Variants in ASCC3 observed in about 807,000 individuals in gnomAD.
The protein encoded by ASCC3 is ASC-1 complex subunit P200.
A neutral mutation model predicts 256.3 loss-of-function variants in ASCC3; 158 were observed. The observed-to-expected ratio is 0.62, with a 90% confidence interval of 0.54 to 0.70. ASCC3 has a LOEUF of 0.70. Among genes scored for constraint, ASCC3 ranks in the 30% least tolerant of loss-of-function variants. The pLI, the probability that ASCC3 is intolerant of heterozygous loss-of-function variation, is 0.00. For missense variants in ASCC3, 2,259 were observed against 2,626.0 expected, an observed-to-expected ratio of 0.86 and a Z score of 3.05; for synonymous variants, 948 against 883.4, an observed-to-expected ratio of 1.07 and a Z score of -1.30.
intron 14 of ASCC3, among the ~76,000 whole-genome samples, chr6:100,670,052 A>T (rs1776663959): frequency 6.6e-6 from 1 of 151,968 alleles, no homozygotes; most frequent in Non-Finnish European, 1.5e-5. Flanking sequence ...TAAACAGAAA[A>T]AGTTTATGTA....
At chr6:100,880,691 C>T (rs184189578) in intron 1 of ASCC3, among the ~76,000 whole-genome samples, 9 of 152,184 alleles carry the variant, frequency 5.9e-5, no homozygotes, top group Non-Finnish European at 1.0e-4. Context: ...GATTTCTTTC[C>T]CCAAATCTAC....
chr6:100,615,094 C>T (rs936953119), intron 30 of ASCC3, among the ~76,000 whole-genome samples: 1 of 151,916 alleles, frequency 6.6e-6, no homozygotes, highest in Non-Finnish European at 1.5e-5. Context: ...TGGCTCACAG[C>T]AACCTCTGTC....
At chr6:100,864,344 C>T in intron 2 of ASCC3, 130 bp from the exon 3 acceptor site, 1 of 751,620 alleles carries the variant, frequency 1.3e-6, no homozygotes, top group Non-Finnish European at 2.1e-6. Context: ...TGTATCTATT[C>T]ACATCCAAAC....
At chr6:100,523,753 C>A (rs1774421379) in intron 37 of ASCC3, among the ~76,000 whole-genome samples, 1 of 152,148 alleles carries the variant, frequency 6.6e-6, no homozygotes, top group South Asian at 2.1e-4. Context: ...ACAGTTTTAT[C>A]CAAACCTATA....
chr6:100,848,015 A>G, intron 4 of ASCC3, 133 bp downstream of exon 4: 1 of 872,340 alleles, frequency 1.1e-6, no homozygotes, highest in South Asian at 2.0e-5. Flanking sequence ...GCTATGTGAA[A>G]CCATTTGGCT....
At chr6:100,585,019 C>T (rs1771568973) in intron 36 of ASCC3, among the ~76,000 whole-genome samples, 1 of 152,072 alleles carries the variant, frequency 6.6e-6, no homozygotes, top group African/African-American at 2.4e-5. Context: ...AACATTTTTT[C>T]CTTCATTTCA....
intron 37 of ASCC3, among the ~76,000 whole-genome samples, chr6:100,535,390 G>A (rs979795116): frequency 2.6e-5 from 4 of 151,492 alleles, no homozygotes; most frequent in Non-Finnish European, 4.4e-5. Flanking sequence ...TCCTCTTTCT[G>A]GCTTGTTTAC....
chr6:100,797,122 A>G (rs138048374), intron 8 of ASCC3, among the ~76,000 whole-genome samples: 2,033 of 152,282 alleles, frequency 0.013, 19 homozygotes, highest in East Asian at 0.045. Flanking sequence ...TTCATTATTA[A>G]TTTAAATAAA....
chr6:100,758,991 A>G (rs796225075), intron 10 of ASCC3, among the ~76,000 whole-genome samples: 1 of 152,194 alleles, frequency 6.6e-6, no homozygotes, highest in Non-Finnish European at 1.5e-5. Context: ...TCTAATGATC[A>G]GTGATTTTGA....
chr6:100,869,278 A>G (rs1773625473), intron 1 of ASCC3, among the ~76,000 whole-genome samples: 3 of 152,302 alleles, frequency 2.0e-5, no homozygotes, highest in Non-Finnish European at 4.4e-5. Context: ...GTGGGAAGGA[A>G]AGAACTGGGA....
Position 100,650,564 on chromosome 6 carries a change from T to A in ASCC3, c.3226A>T (p.Ile1076Leu). 1 of 1,612,710 alleles carries A rather than the reference T, an allele frequency of 6.2e-7. No individual in the cohort carries two copies. The change falls in exon 20 of 42, where the codon ATA (isoleucine) becomes TTA (leucine). Residue 1076 changes from isoleucine (I) to leucine (L), a missense_variant. Physicochemically the swap from Ile to Leu is conservative, Grantham distance 5. Coordinates refer to ENST00000369162, the MANE Select transcript of ASCC3 (RefSeq NM_006828.4). The part of the protein sequence containing the change: ...SRGEMDSFSL[I>L]SDSAYVAQNA... ...TGTGCAACATATGCAGAATCTGATA[T>A]AAGGGAGAAACTGTCCATTTCTCCT...
intron 27 of ASCC3, among the ~76,000 whole-genome samples, 169 bp downstream of exon 27, chr6:100,628,846 T>C (rs2114861625): frequency 6.6e-6 from 1 of 152,246 alleles, no homozygotes; most frequent in Admixed American, 6.5e-5. Context: ...TGTAAGGTGA[T>C]AGATGTTAAT....
intron 4 of ASCC3, among the ~76,000 whole-genome samples, chr6:100,830,239 C>G (rs1771556702): frequency 6.6e-6 from 1 of 151,678 alleles, no homozygotes; most frequent in Non-Finnish European, 1.5e-5. Context: ...AAAGGAATAG[C>G]AACTTATAGA....
chr6:100,861,382 T>G (rs957784406), intron 3 of ASCC3, among the ~76,000 whole-genome samples: 7 of 152,132 alleles, frequency 4.6e-5, no homozygotes, highest in Non-Finnish European at 1.5e-5. Flanking sequence ...CTCATAATAT[T>G]ATACTCAAGT....
At chr6:100,787,774 T>C (rs1769161004) in intron 8 of ASCC3, among the ~76,000 whole-genome samples, 1 of 152,074 alleles carries the variant, frequency 6.6e-6, no homozygotes, top group Admixed American at 6.6e-5. Flanking sequence ...TGGACAGCTA[T>C]ATGCAAAAAC....
chr6:100,551,920 T>G (rs1769321628), intron 36 of ASCC3, among the ~76,000 whole-genome samples: 1 of 151,808 alleles, frequency 6.6e-6, no homozygotes, highest in South Asian at 2.1e-4. Context: ...GTGGGCATGG[T>G]GTGGGATGAG....
intron 36 of ASCC3, among the ~76,000 whole-genome samples, chr6:100,583,864 C>G (rs962530737): frequency 2.6e-5 from 4 of 152,114 alleles, no homozygotes; most frequent in Non-Finnish European, 4.4e-5. Context: ...CATTCAGGAG[C>G]AGGTTGTTCA....
At position 100,627,724 on chromosome 6, in the gene ASCC3, G is replaced by C. The variant is rs1044654680; in HGVS notation, c.4522-14C>G. 1 of 1,612,994 alleles carries C rather than the reference G, an allele frequency of 6.2e-7. No homozygotes were observed. The highest frequency in any genetic ancestry group is 8.5e-7 in the Non-Finnish European group (1 of 1,179,440). On this transcript the variant is annotated splice_polypyrimidine_tract_variant and intron_variant, in intron 28 of 41. Coordinates refer to ENST00000369162, the MANE Select transcript of ASCC3 (RefSeq NM_006828.4). ...AAACAAGCCCATCTAGAGTAAATAT[G>C]AGAGAGAAACCATTTTCAATTTTTA...
rs1347722327 is a variant in ASCC3, at chr6:100,662,333, G to A, written c.2478+12C>T. On this transcript the variant is annotated intron_variant, in intron 15 of 41. Coordinates refer to ENST00000369162, the MANE Select transcript of ASCC3 (RefSeq NM_006828.4). ...ACACAAAATCCATTTATCAAGGAAG[G>A]TAAGCTCTTACCTTAATAATAACAG... 1 of 1,610,824 alleles carries A rather than the reference G, an allele frequency of 6.2e-7. No individual in the cohort carries two copies. Among genetic ancestry groups the A allele is most frequent in the African/African-American group, 1.3e-5 (1 of 74,792 alleles).
Sources: allele counts gnomAD v4.1 joint callset (sites outside exome capture counted in the v4.1 genomes callset), GRCh38; gene constraint gnomAD v4.1.1; transcripts MANE v1.5; gene names NCBI Gene and HGNC (gene_info 2026-07-23, HGNC 2026-07-21).